The following AGTPBP1 variants were observed in gnomAD, a reference collection of about 807,000 sequenced individuals.
The protein encoded by AGTPBP1 is cytosolic carboxypeptidase 1.
AGTPBP1 carries 70 observed loss-of-function variants against 143.9 expected under a neutral mutation model. The ratio of observed to expected loss-of-function variants is 0.49; its 90% CI spans 0.40 to 0.59. AGTPBP1 has a LOEUF of 0.59. AGTPBP1 is among the 20% of genes least tolerant of loss of function. AGTPBP1 has a pLI of 0.00. For missense variants in AGTPBP1, 1,229 were observed against 1,464.5 expected (o/e 0.84, Z 2.62); for synonymous variants, 463 against 500.2 (o/e 0.93, Z 0.99).
rs1229940262 is a variant in AGTPBP1, at chr9:85,739,738, G to T, written c.-34+2037C>A. On this transcript the variant is annotated intron_variant, in intron 1 of 25. Transcript: ENST00000357081. ...AAAAAAAAAAAAAAATTCAGGCCAA[G>T]CTTGGTGGCTCACGCCTGTAATCCC... is the stretch of plus-strand genomic sequence containing the variant. Among the ~76,000 whole-genome samples the T allele has an allele frequency of 6.1e-5, 9 of 146,554 alleles. No individual in the cohort carries two copies. The East Asian group carries it at 1.7e-3, about 28-fold the overall frequency.
At chr9:85,786,525 C>A in the AGTPBP1 span, 1 of 1,613,822 alleles carries the variant, frequency 6.2e-7, no homozygotes, top group Non-Finnish European at 8.5e-7. Context: ...GGCATTGGAT[C>A]AATGGCTGCT....
At chr9:85,621,343 C>T (rs1044100529) in intron 14 of AGTPBP1, 58 bp from the exon 15 acceptor site, 2 of 818,366 alleles carry the variant, frequency 2.4e-6, no homozygotes, top group African/African-American at 3.6e-5. Flanking sequence ...ACAACTTTCT[C>T]CAAAGTAAAT....
intron 25 of AGTPBP1, among the ~76,000 whole-genome samples, chr9:85,553,500 A>G (rs1353187968): frequency 6.6e-6 from 1 of 152,186 alleles, no homozygotes. Context: ...GATGTTTGGT[A>G]GTTAGGTGTA....
At chr9:85,639,570 G>T (rs1248283597) in intron 13 of AGTPBP1, among the ~76,000 whole-genome samples, 1 of 152,194 alleles carries the variant, frequency 6.6e-6, no homozygotes, top group Non-Finnish European at 1.5e-5. Context: ...TCAGGATTTA[G>T]CATGTGGGAA....
chr9:85,554,260 G>C (rs1236575815), intron 25 of AGTPBP1: 1 of 152,250 alleles, frequency 6.6e-6, no homozygotes, highest in Non-Finnish European at 1.5e-5. Context: ...GAAGTTCAGA[G>C]CTGCCAAGGT....
chr9:85,756,153 A>C, the AGTPBP1 span: 1 of 1,613,056 alleles, frequency 6.2e-7, no homozygotes, highest in African/African-American at 1.3e-5. Flanking sequence ...GAGGAGCTGG[A>C]AGCAGACTTA....
intron 24 of AGTPBP1, among the ~76,000 whole-genome samples, chr9:85,577,571 C>T (rs1041351313): frequency 1.3e-5 from 2 of 152,132 alleles, no homozygotes; most frequent in Non-Finnish European, 2.9e-5. Flanking sequence ...ACTGTTTTTA[C>T]AATATTCAGG....
At chr9:85,797,301 G>A in the AGTPBP1 span, among the ~76,000 whole-genome samples, 84 of 152,174 alleles carry the variant, frequency 5.5e-4, no homozygotes, top group Non-Finnish European at 1.1e-3. Context: ...TAGAGACAAA[G>A]TCTCACAATG....
intron 25 of AGTPBP1, among the ~76,000 whole-genome samples, chr9:85,550,668 G>A (rs995971837): frequency 8.6e-5 from 13 of 152,036 alleles, no homozygotes; most frequent in Non-Finnish European, 1.3e-4. Flanking sequence ...TCCCATGACC[G>A]TCTCACGTGC....
the AGTPBP1 span, among the ~76,000 whole-genome samples, chr9:85,801,102 A>G: frequency 6.5e-3 from 985 of 152,210 alleles, 15 homozygotes; most frequent in African/African-American, 0.023. Flanking sequence ...ACTTGAGGTC[A>G]GGAGTTCGTA....
At chr9:85,589,236 C>G (rs71506693) in intron 20 of AGTPBP1, among the ~76,000 whole-genome samples, 1 of 151,830 alleles carries the variant, frequency 6.6e-6, no homozygotes, top group African/African-American at 2.4e-5. Context: ...TACACGACCT[C>G]TTAAAATAAT....
At chr9:85,668,596 A>C (rs1834274598) in intron 8 of AGTPBP1, among the ~76,000 whole-genome samples, 1 of 152,162 alleles carries the variant, frequency 6.6e-6, no homozygotes, top group African/African-American at 2.4e-5. Context: ...AAATAATCCA[A>C]GAGAAAATAT....
rs754492333 is a variant in AGTPBP1 at position 85,589,540 on chromosome 9, T to C, written c.2710A>G (p.Ile904Val). ...AMPESNYYEH[I>V]CHFRNRPYVF... ...AAGACAAACTTACTGAAATGGCAGA[T>C]ATGTTCATAATAATTAGACTCTGGC... The change falls in exon 20 of 26, where the codon ATC becomes GTC. Residue 904 changes from isoleucine to valine, a missense_variant. Physicochemically the swap from Ile to Val is conservative, Grantham distance 29 (BLOSUM62 3). Coordinates refer to ENST00000357081, the MANE Select transcript of AGTPBP1 (RefSeq NM_001330701.2). The C allele has an allele frequency of 3.1e-6, 5 of 1,605,504 alleles. No homozygotes were observed. Among genetic ancestry groups the C allele is most frequent in the Non-Finnish European group, 4.2e-6 (5 of 1,177,300 alleles).
intron 25 of AGTPBP1, among the ~76,000 whole-genome samples, chr9:85,568,583 G>A (rs900425046): frequency 9.9e-5 from 15 of 152,134 alleles, no homozygotes; most frequent in African/African-American, 2.9e-4. Flanking sequence ...CTAAGCACAC[G>A]AGTGACTAGT....
At chr9:85,612,743 T>C (rs1830389376) in intron 17 of AGTPBP1, among the ~76,000 whole-genome samples, 1 of 152,084 alleles carries the variant, frequency 6.6e-6, no homozygotes, top group African/African-American at 2.4e-5. Flanking sequence ...CCAGGTAGTT[T>C]GTATCATAAC....
the AGTPBP1 span, among the ~76,000 whole-genome samples, chr9:85,802,814 C>T: frequency 2.6e-5 from 4 of 152,178 alleles, no homozygotes; most frequent in Non-Finnish European, 5.9e-5. Context: ...TCAGAGTCAC[C>T]GTGTCCAGGG....
intron 13 of AGTPBP1, among the ~76,000 whole-genome samples, chr9:85,638,611 G>A (rs952377909): frequency 6.6e-6 from 1 of 151,744 alleles, no homozygotes; most frequent in Non-Finnish European, 1.5e-5. Flanking sequence ...AATACACATC[G>A]AAGGATACTG....
chr9:85,565,032 C>T (rs1826993747), intron 25 of AGTPBP1, among the ~76,000 whole-genome samples: 1 of 152,158 alleles, frequency 6.6e-6, no homozygotes, highest in Non-Finnish European at 1.5e-5. Flanking sequence ...AACACCAAAT[C>T]AGCCATTGCC....
chr9:85,700,053 T>C (rs896993195), intron 2 of AGTPBP1, among the ~76,000 whole-genome samples: 1 of 152,230 alleles, frequency 6.6e-6, no homozygotes, highest in Admixed American at 6.5e-5. Flanking sequence ...GTATTCAACC[T>C]GTTACAGTAT....
Sources: allele counts gnomAD v4.1 joint callset (sites outside exome capture counted in the v4.1 genomes callset), GRCh38; gene constraint gnomAD v4.1.1; transcripts MANE v1.5; gene names NCBI Gene and HGNC (gene_info 2026-07-23, HGNC 2026-07-21).